Variants in PCDHA7 observed in about 807,000 individuals in gnomAD.
The protein encoded by PCDHA7 is protocadherin alpha 7.
PCDHA7 carries 37 observed loss-of-function variants against 57.2 expected under a neutral mutation model. The ratio of observed to expected loss-of-function variants is 0.65; its 90% CI spans 0.50 to 0.85. The LOEUF is 0.85. Among genes scored for constraint, PCDHA7 ranks in the 40% least tolerant of loss-of-function variants. The pLI is 0.00. For synonymous variants in PCDHA7, 553 were observed against 558.8 expected (o/e 0.99, Z 0.15); for missense variants, 1,188 against 1,241.8 (o/e 0.96, Z 0.65).
intron 1 of PCDHA7, chr5:140,842,796 A>T (rs2150344571): frequency 6.3e-7 from 1 of 1,594,198 alleles, no homozygotes. Flanking sequence ...CTGGTGTCCT[A>T]CTCGCTTGTG....
chr5:140,907,914 T>A (rs2073690399), intron 1 of PCDHA7, among the ~76,000 whole-genome samples: 4 of 152,242 alleles, frequency 2.6e-5, no homozygotes, highest in Admixed American at 1.3e-4. Context: ...TTTTGACCAC[T>A]CAGAGAGGTC....
At chr5:140,994,998 G>A (rs2097659261) in intron 3 of PCDHA7, among the ~76,000 whole-genome samples, 1 of 152,150 alleles carries the variant, frequency 6.6e-6, no homozygotes, top group African/African-American at 2.4e-5. Context: ...AGGTTAGTTG[G>A]TTTGTTTATA....
rs369162861 is a variant in PCDHA7 at position 140,870,379 on chromosome 5, G to T, written c.2355+33641G>T. ...GTGGGCCTATGAACTGGTGGTGACT[G>T]CGCGGGATGGGGGTTCGCCTTCTCT... On this transcript the variant is annotated intron_variant, in intron 1 of 3. Coordinates refer to ENST00000525929, the MANE Select transcript of PCDHA7 (RefSeq NM_018910.3). The T allele has an allele frequency of 8.1e-6, 13 of 1,614,100 alleles. No homozygotes were observed. In the African/African-American group the frequency reaches 1.7e-4, roughly 22 times the overall value.
chr5:140,877,558 A>G (rs782179941), intron 1 of PCDHA7: 7 of 1,613,628 alleles, frequency 4.3e-6, no homozygotes, highest in Non-Finnish European at 5.9e-6. Flanking sequence ...TCTGGTGGAT[A>G]TTAACGTGTA....
chr5:140,949,978 C>T (rs557456282), intron 1 of PCDHA7, among the ~76,000 whole-genome samples: 1 of 151,916 alleles, frequency 6.6e-6, no homozygotes, highest in East Asian at 1.9e-4. Context: ...AGCATACATA[C>T]TTAACTTTTC....
At chr5:140,843,042 G>C in intron 1 of PCDHA7, 1 of 1,595,168 alleles carries the variant, frequency 6.3e-7, no homozygotes, top group Non-Finnish European at 8.6e-7. Context: ...GGTGGCACTG[G>C]TGGCGCAGCG....
chr5:140,967,858 G>C lies in PCDHA7; in HGVS notation c.2356-11091G>C, dbSNP rs2096190865. ...TGGACGTGAATGACAATGCCCCAGA[G>C]GTGGTGCTCACGGACCTGTATAGCC... On this transcript the variant is annotated intron_variant, in intron 1 of 3. Coordinates refer to ENST00000525929, the MANE Select transcript of PCDHA7 (RefSeq NM_018910.3). 6 of 1,614,166 alleles carry C rather than the reference G, an allele frequency of 3.7e-6. No homozygotes were observed. The East Asian group carries it at 1.3e-4, about 36-fold the overall frequency.
chr5:140,846,829 T>C (rs1554141506), intron 1 of PCDHA7, among the ~76,000 whole-genome samples: 1 of 149,526 alleles, frequency 6.7e-6, no homozygotes, highest in African/African-American at 2.5e-5. Flanking sequence ...AAATAAAGAA[T>C]ATGAGTCACA....
intron 1 of PCDHA7, among the ~76,000 whole-genome samples, chr5:140,910,613 C>T (rs1470911168): frequency 1.3e-5 from 2 of 152,192 alleles, no homozygotes; most frequent in Admixed American, 1.3e-4. Context: ...ACTGACTAAT[C>T]CACTCCACCA....
chr5:140,835,973 G>A lies in PCDHA7; in HGVS notation c.1590G>A (p.Leu530=), dbSNP rs2150249299. Residue 530 remains leucine, a synonymous_variant, in exon 1 of 4, where the codon CTG becomes CTA. Coordinates refer to ENST00000525929, the MANE Select transcript of PCDHA7 (RefSeq NM_018910.3). ...CGTTGGACCACGAGGAGCTGGAGCT[G>A]TTGCAGTTCCAGGTGAGCGCGCGCG... ...LQPLDHEELE[L]LQFQVSARDA... 16 of 1,613,272 alleles carry A rather than the reference G, an allele frequency of 9.9e-6. No homozygotes were observed. The African/African-American group carries it at 2.0e-4, about 20-fold the overall frequency.
In PCDHA7 at chr5:140,847,104, A is replaced by G. The variant is rs2150397303; in HGVS notation, c.2355+10366A>G. Among the ~76,000 whole-genome samples, 7 of 149,942 alleles carry G rather than the reference A, an allele frequency of 4.7e-5. 1 individual carries two copies. The East Asian group carries it at 1.4e-3, about 29-fold the overall frequency. On this transcript the variant is annotated intron_variant, in intron 1 of 3. Coordinates refer to ENST00000525929, the MANE Select transcript of PCDHA7 (RefSeq NM_018910.3). ...AAAGTCCACTTTGGTTAAAACACAC[A>G]GTCTGCAGAGAATGAAAGCAGGAAA...
chr5:141,006,567 C>T (rs2098278386), intron 3 of PCDHA7, among the ~76,000 whole-genome samples: 1 of 152,030 alleles, frequency 6.6e-6, no homozygotes, highest in Admixed American at 6.6e-5. Flanking sequence ...ACTCTGGCTA[C>T]TGTGTGGAGG....
rs138671187 is a variant in PCDHA7, at chr5:140,836,499, G to A, written c.2116G>A (p.Ala706Thr). 28 of 1,613,758 alleles carry A rather than the reference G, an allele frequency of 1.7e-5. No individual in the cohort carries two copies. In the African/African-American group the frequency reaches 2.8e-4, roughly 16 times the overall value. ...VNVYLIIAICAVSSLLVLTLL... is the reference protein window; with the variant it reads ...VNVYLIIAICTVSSLLVLTLL... ...CGTGTACCTGATCATCGCCATCTGC[G>A]CGGTGTCCAGTCTGTTGGTGCTTAC... Residue 706 changes from alanine (A) to threonine (T), a missense_variant, in exon 1 of 4, where the codon GCG (alanine) becomes ACG (threonine). Transcript: ENST00000525929.
intron 1 of PCDHA7, chr5:140,876,682 T>C (rs782271076): frequency 5.6e-6 from 9 of 1,614,180 alleles, no homozygotes; most frequent in Non-Finnish European, 4.2e-6. Context: ...CTACAAGAAT[T>C]ACTACTCGTT....
intron 1 of PCDHA7, chr5:140,883,989 G>A (rs1554180956): frequency 6.2e-7 from 1 of 1,612,952 alleles, no homozygotes; most frequent in Non-Finnish European, 8.5e-7. Flanking sequence ...GGCAGCGCGG[G>A]AGGCACAGTG....
Position 140,877,355 on chromosome 5 carries a change from C to T in PCDHA7, c.2355+40617C>T. On this transcript the variant is annotated intron_variant, in intron 1 of 3. Coordinates refer to ENST00000525929, the MANE Select transcript of PCDHA7 (RefSeq NM_018910.3). ...ATCCCGTTCCACGTGGGGCTGTACA[C>T]TGGCGAGATCAGCACGACACGCATC... 1.2e-6 allele frequency: 2 copies of T among 1,614,012 alleles called. No homozygotes were observed. Among genetic ancestry groups the T allele is most frequent in the Non-Finnish European group, 8.5e-7 (1 of 1,179,888 alleles).
rs1485742296 is a variant in PCDHA7, at chr5:140,974,143, T to C, written c.2356-4806T>C. On this transcript the variant is annotated intron_variant, in intron 1 of 3. Transcript: ENST00000525929. ...GTTTTAAATCTGCTAACCTGAAAACTATACAAGGGTTTTTCTTTCAAGAAT... is the reference window on the plus strand; with the variant it reads ...GTTTTAAATCTGCTAACCTGAAAACCATACAAGGGTTTTTCTTTCAAGAAT... 2.0e-5 allele frequency among the ~76,000 whole-genome samples: 3 copies of C among 152,324 alleles called. No homozygotes were observed. The East Asian group carries it at 5.8e-4, about 29-fold the overall frequency.
chr5:140,886,217 T>C (rs548266069), intron 1 of PCDHA7, among the ~76,000 whole-genome samples: 3 of 152,240 alleles, frequency 2.0e-5, no homozygotes, highest in African/African-American at 7.2e-5. Flanking sequence ...TTTCTCTAAT[T>C]TTGTTACTTT....
chr5:140,849,574 A>G (rs2150440972), intron 1 of PCDHA7: 1 of 1,598,696 alleles, frequency 6.3e-7, no homozygotes, highest in East Asian at 2.2e-5. Context: ...GTTCCTGTAA[A>G]AGAGGACGCA....
Sources: allele counts gnomAD v4.1 joint callset (sites outside exome capture counted in the v4.1 genomes callset), GRCh38; gene constraint gnomAD v4.1.1; transcripts MANE v1.5; gene names NCBI Gene and HGNC (gene_info 2026-07-23, HGNC 2026-07-21).